The following MGAT4C variants were observed in gnomAD, a reference collection of about 807,000 sequenced individuals.
MGAT4C encodes the protein MGAT4 family member C, also known as alpha-1,3-mannosyl-glycoprotein 4-beta-N-acetylglucosaminyltransferase C.
Under a neutral mutation model 40.1 loss-of-function variants are expected in MGAT4C, and 19 were observed. The observed-to-expected ratio is 0.47, with a 90% CI of 0.33 to 0.70. The LOEUF (loss-of-function observed/expected upper bound fraction) is 0.70, where lower values mean the gene tolerates loss of function less well. Ranked by LOEUF, MGAT4C falls within the 30% of genes least tolerant of loss-of-function variation. MGAT4C has a pLI of 0.02. For missense variants in MGAT4C, 491 were observed against 563.2 expected (o/e 0.87, Z 1.30); for synonymous variants, 181 against 187.1 (o/e 0.97, Z 0.27).
At chr12:86,188,127 A>C (rs1430921923) in intron 1 of MGAT4C, among the ~76,000 whole-genome samples, 1 of 152,062 alleles carries the variant, frequency 6.6e-6, no homozygotes, top group African/African-American at 2.4e-5. Context: ...GTTATACTAG[A>C]AAAGTATTTT....
chr12:86,629,741 C>A (rs909731969), intron 2 of MGAT4C, among the ~76,000 whole-genome samples: 1 of 152,114 alleles, frequency 6.6e-6, no homozygotes, highest in South Asian at 2.1e-4. Flanking sequence ...ATCCCTGGGA[C>A]ACATTTAAAG....
intron 4 of MGAT4C, among the ~76,000 whole-genome samples, chr12:86,285,315 A>G (rs1196986810): frequency 1.3e-5 from 2 of 152,044 alleles, no homozygotes; most frequent in Non-Finnish European, 2.9e-5. Context: ...ATCTTGTAGA[A>G]TGTTAAGCTT....
rs115537099 is a variant in MGAT4C at position 86,043,180 on chromosome 12, G to A, written c.-7+6494C>T. ...TACCATCTGTATTAGGGTTCCTAGA[G>A]AGACAGAACTAATATGATAGATGTA... On this transcript the variant is annotated intron_variant, in intron 2 of 4. Coordinates refer to ENST00000611864, the MANE Select transcript of MGAT4C (RefSeq NM_001351288.2). Among the ~76,000 whole-genome samples the A allele has an allele frequency of 5.0e-3, 764 of 152,272 alleles. 7 individuals are homozygous for A. The highest frequency in any genetic ancestry group is 0.017 in the African/African-American group (725 of 41,552).
At chr12:86,714,675 T>C (rs529878510) in intron 2 of MGAT4C, among the ~76,000 whole-genome samples, 2 of 152,112 alleles carry the variant, frequency 1.3e-5, no homozygotes, top group Non-Finnish European at 2.9e-5. Context: ...CCATTAAACC[T>C]CTTTTTCTTT....
At chr12:86,317,735 CTG>C (rs1298764280) in intron 4 of MGAT4C, among the ~76,000 whole-genome samples, 2 of 151,630 alleles carry the variant, frequency 1.3e-5, no homozygotes, top group Non-Finnish European at 2.9e-5. Flanking sequence ...ATAAATAACA[CTG>C]GAATGAACCA....
intron 2 of MGAT4C, among the ~76,000 whole-genome samples, chr12:85,992,230 G>C (rs1428107054): frequency 2.0e-5 from 3 of 152,236 alleles, no homozygotes; most frequent in Non-Finnish European, 4.4e-5. Context: ...ATGGAGAACA[G>C]ACTTTCTGGG....
chr12:85,956,269 A>G lies in MGAT4C; in HGVS notation c.*23020T>C, dbSNP rs1475549841. 6.6e-6 allele frequency: 1 copy of G among 152,182 alleles called. No individual in the cohort carries two copies. The highest frequency in any genetic ancestry group is 2.4e-5 in the African/African-American group (1 of 41,448). 9.4% of individuals were successfully genotyped at this position (152,182 alleles called of 1,614,324 possible). A position where few individuals can be genotyped will look rare whatever the true frequency, so the allele number is the denominator to read the frequency against. The stretch of plus-strand genomic sequence containing the variant: ...CAAGCATCAGATTTTTAATCAAACC[A>G]ATTGGCTGCCATCTGTGACACTGGC... On this transcript the variant is annotated 3_prime_UTR_variant, in exon 5 of 5. Coordinates refer to ENST00000611864, the MANE Select transcript of MGAT4C (RefSeq NM_001351288.2).
chr12:86,363,970 T>TCACA (rs767986293), intron 3 of MGAT4C, among the ~76,000 whole-genome samples: 38 of 77,910 alleles, frequency 4.9e-4, no homozygotes, highest in Middle Eastern at 0.017. Flanking sequence ...TCTCTCTCTC[T>TCACA]CTCACACACA....
chr12:86,321,837 T>A (rs535504582), intron 4 of MGAT4C, among the ~76,000 whole-genome samples: 6 of 152,178 alleles, frequency 3.9e-5, no homozygotes, highest in African/African-American at 1.4e-4. Flanking sequence ...GATCTAGAAC[T>A]AGAAATACCA....
chr12:86,460,066 T>C (rs552104162), intron 2 of MGAT4C, among the ~76,000 whole-genome samples: 1 of 152,204 alleles, frequency 6.6e-6, no homozygotes, highest in African/African-American at 2.4e-5. Flanking sequence ...AAGAACATTT[T>C]GAGGCGTTGG....
chr12:86,242,558 A>G (rs1951833550), intron 1 of MGAT4C, among the ~76,000 whole-genome samples: 1 of 152,156 alleles, frequency 6.6e-6, no homozygotes, highest in Admixed American at 6.5e-5. Flanking sequence ...GTTTATCAGG[A>G]CACATTGACT....
chr12:86,127,294 A>G (rs1880442661), intron 1 of MGAT4C, among the ~76,000 whole-genome samples: 1 of 152,226 alleles, frequency 6.6e-6, no homozygotes, highest in South Asian at 2.1e-4. Context: ...GTATTTGTGT[A>G]TTCAAACATA....
intron 2 of MGAT4C, among the ~76,000 whole-genome samples, chr12:86,036,947 A>G (rs1891297617): frequency 6.7e-6 from 1 of 149,778 alleles, no homozygotes; most frequent in South Asian, 2.1e-4. Context: ...TTGGTAGGCT[A>G]TTACTGCCTC....
At chr12:86,510,018 T>C (rs1346094027) in intron 2 of MGAT4C, among the ~76,000 whole-genome samples, 9 of 152,154 alleles carry the variant, frequency 5.9e-5, no homozygotes, top group Non-Finnish European at 1.5e-5. Context: ...CAGGGACAAT[T>C]TGACTTCCTC....
At chr12:86,200,511 T>C (rs1346974512) in intron 1 of MGAT4C, among the ~76,000 whole-genome samples, 4 of 152,154 alleles carry the variant, frequency 2.6e-5, no homozygotes, top group Non-Finnish European at 4.4e-5. Context: ...TCCACAACTT[T>C]AGTTGTCATC....
intron 3 of MGAT4C, among the ~76,000 whole-genome samples, chr12:86,352,190 T>C (rs1955177090): frequency 6.6e-6 from 1 of 151,898 alleles, no homozygotes; most frequent in African/African-American, 2.4e-5. Flanking sequence ...ATGAAAAGAG[T>C]TTCCTGGTAA....
intron 2 of MGAT4C, among the ~76,000 whole-genome samples, chr12:86,472,045 T>C (rs1052254323): frequency 2.6e-5 from 4 of 152,168 alleles, no homozygotes; most frequent in African/African-American, 9.7e-5. Context: ...CCTAAAATAT[T>C]AGAACATTTA....
At position 86,503,767 on chromosome 12, in the gene MGAT4C, TATATATATAGAGTTCTGCTC is replaced by T. The variant is rs1356033941; in HGVS notation, c.-228-68522_-228-68503del. Among the ~76,000 whole-genome samples the T allele has an allele frequency of 1.2e-3, 84 of 68,542 alleles. 7 individuals are homozygous for T. The highest frequency in any genetic ancestry group is 5.2e-3 in the African/African-American group (79 of 15,086). The allele number at this position is 68,542 out of a possible 152,430, so 45.0% of individuals were successfully genotyped here. A position where few individuals can be genotyped will look rare whatever the true frequency, so the allele number is the denominator to read the frequency against. The stretch of plus-strand genomic sequence containing the variant: ...TATATATATGAGTTCTGCTCATATA[TATATATATAGAGTTCTGCTC>T]ATATATATATATATATATATATATA... On this transcript the variant is annotated intron_variant, in intron 2 of 7. Coordinates refer to the MGAT4C transcript ENST00000548651.
In MGAT4C at chr12:86,700,178, C is replaced by CAGATAGAT. The variant is rs370834701; in HGVS notation, c.-229+27023_-229+27030dup. On this transcript the variant is annotated intron_variant, in intron 2 of 7. Coordinates refer to the MGAT4C transcript ENST00000548651. Reference sequence around the variant, plus strand: ...ACAGACAGACAGACAGACAGACAGACAGATAGATAGATAGATAGATAGATA... The same window carrying CAGATAGAT: ...ACAGACAGACAGACAGACAGACAGACAGATAGATAGATAGATAGATAGATAGATAGATA... Among the ~76,000 whole-genome samples the CAGATAGAT allele has an allele frequency of 6.2e-3, 873 of 140,744 alleles. 7 individuals carry two copies. Among genetic ancestry groups the CAGATAGAT allele is most frequent in the Admixed American group, 0.023 (323 of 13,914 alleles). 92.3% of individuals were successfully genotyped at this position (140,744 alleles called of 152,430 possible). A position where few individuals can be genotyped will look rare whatever the true frequency, so the allele number is the denominator to read the frequency against.
Sources: allele counts gnomAD v4.1 joint callset (sites outside exome capture counted in the v4.1 genomes callset), GRCh38; gene constraint gnomAD v4.1.1; transcripts MANE v1.5; gene names NCBI Gene and HGNC (gene_info 2026-07-23, HGNC 2026-07-21).